Variants in CFAP20DC observed in about 807,000 individuals in gnomAD.
The protein encoded by CFAP20DC is CFAP20 domain containing, also known as protein CFAP20DC.
In CFAP20DC, 84 loss-of-function variants were observed where a neutral mutation model predicts 101.7. That is an observed-to-expected ratio of 0.83 (90% CI 0.69 to 0.99). CFAP20DC has a LOEUF of 0.99. Among genes scored for constraint, CFAP20DC ranks in the 50% least tolerant of loss-of-function variants. The pLI, the probability that CFAP20DC is intolerant of heterozygous loss-of-function variation, is 0.00. For synonymous variants in CFAP20DC, 359 were observed against 351.2 expected, an observed-to-expected ratio of 1.02 and a Z score of -0.25; for missense variants, 1,007 against 970.3, an observed-to-expected ratio of 1.04 and a Z score of -0.50.
At chr3:58,812,383 T>C (rs534544000) in intron 14 of CFAP20DC, among the ~76,000 whole-genome samples, 104 of 152,186 alleles carry the variant, frequency 6.8e-4, no homozygotes, top group Non-Finnish European at 9.3e-4. Context: ...CCATAAAAAA[T>C]GATGAGTTCA....
chr3:58,939,287 T>G (rs1275536998), intron 4 of CFAP20DC, among the ~76,000 whole-genome samples: 1 of 152,160 alleles, frequency 6.6e-6, no homozygotes, highest in Non-Finnish European at 1.5e-5. Context: ...GAGACGCTAT[T>G]AGGTCTCTTC....
chr3:59,030,811 TTTTG>T (rs1369164056), intron 4 of CFAP20DC, among the ~76,000 whole-genome samples: 1 of 148,574 alleles, frequency 6.7e-6, no homozygotes, highest in African/African-American at 2.6e-5. Flanking sequence ...TTAAGTTTTT[TTTTG>T]TTTTTGTTTT....
chr3:58,941,327 CAAAAAAAAAAAAAAAAAA>C (rs752324535), intron 4 of CFAP20DC, among the ~76,000 whole-genome samples: 2 of 19,510 alleles, frequency 1.0e-4, no homozygotes, highest in Admixed American at 8.1e-4. Flanking sequence ...GACTCCGTCT[CAAAAAAAAAAAAAAAAAA>C]AAAAAAAAAA....
At chr3:58,928,192 A>G (rs1330705285) in intron 5 of CFAP20DC, among the ~76,000 whole-genome samples, 3 of 152,200 alleles carry the variant, frequency 2.0e-5, no homozygotes, top group South Asian at 2.1e-4. Context: ...AAAATAAGAT[A>G]TGCTTGTAGT....
At chr3:58,826,879 G>C (rs564697471) in intron 14 of CFAP20DC, among the ~76,000 whole-genome samples, 3 of 152,094 alleles carry the variant, frequency 2.0e-5, no homozygotes, top group Non-Finnish European at 4.4e-5. Context: ...AGAGGGAAGC[G>C]AATAATTCTG....
intron 15 of CFAP20DC, among the ~76,000 whole-genome samples, chr3:58,772,507 G>A (rs889302623): frequency 3.3e-5 from 5 of 152,168 alleles, no homozygotes; most frequent in African/African-American, 9.6e-5. Context: ...TACTGCCAGA[G>A]TGTAAATTGG....
chr3:58,725,164 C>T (rs565053796), intron 3 of CFAP20DC, among the ~76,000 whole-genome samples: 16 of 152,276 alleles, frequency 1.1e-4, no homozygotes, highest in Non-Finnish European at 2.1e-4. Flanking sequence ...ACTTTTCTTT[C>T]TACCATGTCC....
intron 4 of CFAP20DC, among the ~76,000 whole-genome samples, chr3:59,023,885 T>C (rs1054021705): frequency 2.0e-5 from 3 of 152,092 alleles, no homozygotes; most frequent in African/African-American, 7.2e-5. Flanking sequence ...GATTTCAACC[T>C]TATGAGGGAG....
Position 58,788,613 on chromosome 3 carries a change from C to A in CFAP20DC, c.2237+17782G>T, listed in dbSNP as rs142106745. Among the ~76,000 whole-genome samples, 1 of 152,052 alleles carries A rather than the reference C, an allele frequency of 6.6e-6. No homozygotes were observed. Among genetic ancestry groups the A allele is most frequent in the South Asian group, 2.1e-4 (1 of 4,826 alleles). On this transcript the variant is annotated intron_variant, in intron 15 of 16. Transcript: ENST00000482387. This position sits in a 1 kb window ranked among gnomAD's most constrained non-coding sequence, Gnocchi z 4.2. The stretch of plus-strand genomic sequence containing the variant: ...GGATTGTAGCAACAGCAATGACTAC[C>A]ACCACCACAGTGGAAAACACTTTGA...
At position 58,724,599 on chromosome 3, in the gene CFAP20DC, G is replaced by A. The variant is rs187586214; in HGVS notation, c.198-6971C>T. On this transcript the variant is annotated intron_variant, in intron 3 of 3. Coordinates refer to the CFAP20DC transcript ENST00000486145. The surrounding 1 kb of genome is among the most constrained non-coding windows in gnomAD (Gnocchi z 5.6). Reference sequence around the variant, plus strand: ...TTAAATCACTCTTGCTACAGATTACGCCTATGACGCACTGCCACCCTTTCA... The same window carrying A: ...TTAAATCACTCTTGCTACAGATTACACCTATGACGCACTGCCACCCTTTCA... 3.9e-5 allele frequency among the ~76,000 whole-genome samples: 6 copies of A among 152,230 alleles called. No individual in the cohort carries two copies. The highest frequency in any genetic ancestry group is 4.4e-5 in the Non-Finnish European group (3 of 68,020).
rs1206662222 is a variant in CFAP20DC at position 58,869,906 on chromosome 3, C to T, written c.852+267G>A. 1.3e-5 allele frequency among the ~76,000 whole-genome samples: 2 copies of T among 152,164 alleles called. No homozygotes were observed. The highest frequency in any genetic ancestry group is 1.9e-4 in the East Asian group (1 of 5,202). On this transcript the variant is annotated intron_variant, in intron 8 of 16. Transcript: ENST00000482387. This position sits in a 1 kb window ranked among gnomAD's most constrained non-coding sequence, Gnocchi z 4.3. ...AGCAAAATGTGCTCACTTATATTTGCCTTTAAATTTTGTGAACATATTTAA... is the reference window on the plus strand; with the variant it reads ...AGCAAAATGTGCTCACTTATATTTGTCTTTAAATTTTGTGAACATATTTAA...
At position 58,820,907 on chromosome 3, in the gene CFAP20DC, C is replaced by T. The variant is rs988794164; in HGVS notation, c.2175+10779G>A. Among the ~76,000 whole-genome samples the T allele has an allele frequency of 1.1e-3, 165 of 150,508 alleles. 1 individual carries two copies. Among genetic ancestry groups the T allele is most frequent in the Admixed American group, 3.9e-3 (60 of 15,202 alleles). ...GACTTCAAACTATACTACAAGGCTA[C>T]AGTAACCAAAACAGCATGGTACTGG... On this transcript the variant is annotated intron_variant, in intron 14 of 16. Coordinates refer to ENST00000482387, the MANE Select transcript of CFAP20DC (RefSeq NM_001394063.1).
At chr3:59,012,512 T>C (rs1333923779) in intron 4 of CFAP20DC, among the ~76,000 whole-genome samples, 1 of 152,152 alleles carries the variant, frequency 6.6e-6, no homozygotes, top group Non-Finnish European at 1.5e-5. Context: ...GCTGAGGAAA[T>C]ATGCTGAGAG....
At position 58,870,199 on chromosome 3, in the gene CFAP20DC, T is replaced by G. The variant is rs749439727; in HGVS notation, c.826A>C (p.Arg276=). ...TCGCTGGATATCTTCATGTTATTCC[T>G]TCTGCCAGAGAGTGGAGGTGGCCCA... The part of the protein sequence containing the change: ...VLGPPPLSGR[R]NNMKISSETV... Residue 276 remains arginine, a synonymous_variant, in exon 8 of 17, where the codon AGG becomes CGG. Transcript: ENST00000482387. The G allele has an allele frequency of 6.2e-7, 1 of 1,613,694 alleles. No homozygotes were observed. The highest frequency in any genetic ancestry group is 8.5e-7 in the Non-Finnish European group (1 of 1,179,752).
In CFAP20DC at chr3:58,757,701, C is replaced by T. The variant is rs181573675; in HGVS notation, c.2238-3838G>A. Among the ~76,000 whole-genome samples, 15 of 151,968 alleles carry T rather than the reference C, an allele frequency of 9.9e-5. No homozygotes were observed. The East Asian group carries it at 2.1e-3, about 22-fold the overall frequency. On this transcript the variant is annotated intron_variant, in intron 15 of 16. Coordinates refer to ENST00000482387, the MANE Select transcript of CFAP20DC (RefSeq NM_001394063.1). ...ATTTCTGGTCCATTTTTAGTTTATT[C>T]TGGTATATGGTGTGAGTTTGTTCTG...
At chr3:58,776,548 A>G (rs1055881846) in intron 15 of CFAP20DC, among the ~76,000 whole-genome samples, 1 of 151,470 alleles carries the variant, frequency 6.6e-6, no homozygotes, top group Non-Finnish European at 1.5e-5. Context: ...CTTTTCCTTT[A>G]TCTTGTCACT....
At position 58,864,569 on chromosome 3, in the gene CFAP20DC, TTAC is replaced by T. The variant is rs1329851559; in HGVS notation, c.1259-680_1259-678del. Among the ~76,000 whole-genome samples, 1 of 152,164 alleles carries T rather than the reference TTAC, an allele frequency of 6.6e-6. No individual in the cohort carries two copies. The highest frequency in any genetic ancestry group is 1.5e-5 in the Non-Finnish European group (1 of 68,030). ...TCTTCCAAATTTAAAAGGGGTTGAGTTACTAATATCTCCTTTTAACTGCAGGAG... is the reference window on the plus strand; with the variant it reads ...TCTTCCAAATTTAAAAGGGGTTGAGTTAATATCTCCTTTTAACTGCAGGAG... On this transcript the variant is annotated intron_variant, in intron 11 of 16. Transcript: ENST00000482387. The surrounding 1 kb of genome is among the most constrained non-coding windows in gnomAD (Gnocchi z 4.7).
intron 14 of CFAP20DC, among the ~76,000 whole-genome samples, chr3:58,820,608 G>A (rs1353105134): frequency 6.6e-6 from 1 of 151,954 alleles, no homozygotes; most frequent in African/African-American, 2.4e-5. Context: ...ACCTCTTCAG[G>A]GAGAACTACA....
At chr3:58,856,264 T>TCACACACA (rs2078802432) in intron 12 of CFAP20DC, among the ~76,000 whole-genome samples, 5 of 57,394 alleles carry the variant, frequency 8.7e-5, no homozygotes, top group South Asian at 6.5e-4. Context: ...CTTCATCTTC[T>TCACACACA]GACACACACA....
Sources: allele counts gnomAD v4.1 joint callset (sites outside exome capture counted in the v4.1 genomes callset), GRCh38; gene constraint gnomAD v4.1.1; non-coding constraint Gnocchi (gnomAD v3.1); transcripts MANE v1.5; gene names NCBI Gene and HGNC (gene_info 2026-07-23, HGNC 2026-07-21).